HECA: variants seen among roughly 807,000 people sequenced by gnomAD.
The protein encoded by HECA is HECA ribonucleoprotein granule regulator, also known as headcase protein homolog.
In HECA, 13 loss-of-function variants were observed where a neutral mutation model predicts 37.6. The ratio of observed to expected loss-of-function variants is 0.35; its 90% CI spans 0.23 to 0.55. The LOEUF (loss-of-function observed/expected upper bound fraction) is 0.55. Among genes scored for constraint, HECA ranks in the 20% least tolerant of loss-of-function variants. The pLI, the probability that HECA is intolerant of heterozygous loss-of-function variation, is 0.90. For missense variants in HECA, 527 were observed against 701.9 expected, an observed-to-expected ratio of 0.75 and a Z score of 2.82; for synonymous variants, 307 against 291.5, an observed-to-expected ratio of 1.05 and a Z score of -0.54.
chr6:139,135,338 G>T lies in HECA; in HGVS notation c.-59G>T. 1 of 1,245,460 alleles carries T rather than the reference G, an allele frequency of 8.0e-7. No homozygotes were observed. The highest frequency in any genetic ancestry group is 1.0e-6 in the Non-Finnish European group (1 of 964,560). 77.2% of individuals were successfully genotyped at this position (1,245,460 alleles called of 1,614,324 possible). On this transcript the variant is annotated 5_prime_UTR_variant, in exon 1 of 4. Transcript: ENST00000367658. ...GCTTCACGCAGGGCCGGGAACGGCC[G>T]TGCCTCTGGGATCCGCCTTCGCTGA... is the stretch of plus-strand genomic sequence containing the variant.
Position 139,174,389 on chromosome 6 carries a change from A to G in HECA, c.1317A>G (p.Arg439=). The G allele has an allele frequency of 6.2e-7, 1 of 1,612,330 alleles. No individual in the cohort carries two copies. The highest frequency in any genetic ancestry group is 8.5e-7 in the Non-Finnish European group (1 of 1,179,222). Reference sequence around the variant, plus strand: ...CCTTGTGTCTTCTGTGCACAGGGAGACTCATGCATCTGTATGCCGTGTGCG... The same window carrying G: ...CCTTGTGTCTTCTGTGCACAGGGAGGCTCATGCATCTGTATGCCGTGTGCG... ...EYDVPCHLQG[R]LMHLYAVCVD... is the part of the protein sequence containing the mutation. Residue 439 remains arginine (R), a synonymous_variant, in exon 3 of 4, where the codon AGA becomes AGG. Coordinates refer to ENST00000367658, the MANE Select transcript of HECA (RefSeq NM_016217.3).
In HECA at chr6:139,135,193, C is replaced by T. The variant is rs964967231; in HGVS notation, c.-204C>T. 7.4e-6 allele frequency: 2 copies of T among 271,310 alleles called. No individual in the cohort carries two copies. The highest frequency in any genetic ancestry group is 1.2e-5 in the Non-Finnish European group (2 of 163,624). The allele number at this position is 271,310 out of a possible 1,614,324, so 16.8% of individuals were successfully genotyped here. A position where few individuals can be genotyped will look rare whatever the true frequency, so the allele number is the denominator to read the frequency against. ...CGCGGCTGCGAGCCTCGGGTGGCCGCGTGCCGGCTCCAGGAAGCCGGAGAG... is the reference window on the plus strand; with the variant it reads ...CGCGGCTGCGAGCCTCGGGTGGCCGTGTGCCGGCTCCAGGAAGCCGGAGAG... On this transcript the variant is annotated 5_prime_UTR_variant, in exon 1 of 4. Transcript: ENST00000367658.
intron 1 of HECA, chr6:139,150,997 A>G (rs1208618226): frequency 6.6e-6 from 1 of 152,100 alleles, no homozygotes; most frequent in Non-Finnish European, 1.5e-5. Context: ...CTACTTTTTC[A>G]TTTTTACTGA....
Position 139,135,346 on chromosome 6 carries a change from G to C in HECA, c.-51G>C. On this transcript the variant is annotated 5_prime_UTR_variant, in exon 1 of 4. Transcript: ENST00000367658. ...CAGGGCCGGGAACGGCCGTGCCTCT[G>C]GGATCCGCCTTCGCTGACGCCGGGC... 7.9e-7 allele frequency: 1 copy of C among 1,272,690 alleles called. No individual in the cohort carries two copies. Among genetic ancestry groups the C allele is most frequent in the Non-Finnish European group, 1.0e-6 (1 of 981,426 alleles). The allele number at this position is 1,272,690 out of a possible 1,614,324, so 78.8% of individuals were successfully genotyped here. A position where few individuals can be genotyped will look rare whatever the true frequency, so the allele number is the denominator to read the frequency against.
In HECA at chr6:139,166,669, G is replaced by A. The variant is rs370979954; in HGVS notation, c.657G>A (p.Ala219=). The change falls in exon 2 of 4, where the codon GCG becomes GCA. Residue 219 remains alanine, a synonymous_variant. Transcript: ENST00000367658. ...KNTGRPPGEA[A]EEAKKCRPPN... is the part of the protein sequence containing the mutation. ...CAGGGAGGCCTCCTGGTGAGGCGGC[G>A]GAGGAGGCAAAAAAGTGCAGGCCCC... 9.2e-5 allele frequency: 149 copies of A among 1,613,712 alleles called. 1 individual carries two copies. The South Asian group carries it at 1.5e-3, about 17-fold the overall frequency.
rs998516503 is a variant in HECA, at chr6:139,177,137, T to C, written c.*32T>C. Reference sequence around the variant, plus strand: ...CTTTGCTTTAGTAATAGCTATTTTATTGATATTATTACTTTATTACATATC... The same window carrying C: ...CTTTGCTTTAGTAATAGCTATTTTACTGATATTATTACTTTATTACATATC... On this transcript the variant is annotated 3_prime_UTR_variant, in exon 4 of 4. Transcript: ENST00000367658. The surrounding 1 kb of genome is among the most constrained non-coding windows in gnomAD (Gnocchi z 4.9). 2.5e-6 allele frequency: 2 copies of C among 808,310 alleles called. No homozygotes were observed. The highest frequency in any genetic ancestry group is 1.7e-5 in the African/African-American group (1 of 58,806). 50.1% of individuals were successfully genotyped at this position (808,310 alleles called of 1,614,324 possible).
At chr6:139,135,800 C>T (rs1774427370) in intron 1 of HECA, 133 bp downstream of exon 1, 1 of 272,410 alleles carries the variant, frequency 3.7e-6, no homozygotes, top group Non-Finnish European at 5.6e-6. Context: ...CCCTCCGCCC[C>T]GCCGCGGCTG....
chr6:139,138,926 A>G (rs1562241734), intron 1 of HECA, among the ~76,000 whole-genome samples: 1 of 152,226 alleles, frequency 6.6e-6, no homozygotes, highest in African/African-American at 2.4e-5. Flanking sequence ...ACCAATGGTT[A>G]TATTTAGAAT....
intron 1 of HECA, among the ~76,000 whole-genome samples, chr6:139,151,900 T>G (rs1774654422): frequency 6.6e-6 from 1 of 152,328 alleles, no homozygotes; most frequent in African/African-American, 2.4e-5. Context: ...TTGTCCTGTG[T>G]GCAGTATGGG....
intron 2 of HECA, among the ~76,000 whole-genome samples, chr6:139,172,020 G>C (rs1176101073): frequency 6.6e-6 from 1 of 152,028 alleles, no homozygotes; most frequent in African/African-American, 2.4e-5. Flanking sequence ...TAGTAGAGAT[G>C]GGGTTTCACC....
At chr6:139,152,459 AT>A (rs1455541890) in intron 1 of HECA, among the ~76,000 whole-genome samples, 3 of 106,014 alleles carry the variant, frequency 2.8e-5, no homozygotes, top group Non-Finnish European at 6.2e-5. Flanking sequence ...TTCCATGTTT[AT>A]TTTGACAGAG....
intron 1 of HECA, among the ~76,000 whole-genome samples, chr6:139,161,512 C>T (rs1774801986): frequency 6.6e-6 from 1 of 152,280 alleles, no homozygotes; most frequent in South Asian, 2.1e-4. Context: ...TCCATGTGTG[C>T]ACTTCTGTTA....
chr6:139,139,839 G>A (rs1774493228), intron 1 of HECA, among the ~76,000 whole-genome samples: 1 of 152,228 alleles, frequency 6.6e-6, no homozygotes, highest in African/African-American at 2.4e-5. Flanking sequence ...AGCTCTGAGT[G>A]AAAGGAGAGC....
intron 1 of HECA, among the ~76,000 whole-genome samples, chr6:139,160,527 C>T (rs928017120): frequency 6.6e-6 from 1 of 152,228 alleles, no homozygotes; most frequent in African/African-American, 2.4e-5. Context: ...GATCCTTCCA[C>T]CTCAGCCTCC....
At chr6:139,168,546 A>G (rs952284419) in intron 2 of HECA, among the ~76,000 whole-genome samples, 1 of 151,830 alleles carries the variant, frequency 6.6e-6, no homozygotes, top group Admixed American at 6.6e-5. Context: ...TTTGCCCCTG[A>G]AAATGCCCCT....
chr6:139,156,107 C>T (rs1774708612), intron 1 of HECA, among the ~76,000 whole-genome samples: 2 of 151,508 alleles, frequency 1.3e-5, no homozygotes, highest in Admixed American at 6.6e-5. Flanking sequence ...ATTATGTGAA[C>T]TCTTCTTGTT....
chr6:139,135,528 G>T lies in HECA; in HGVS notation c.132G>T (p.Leu44=). The T allele has an allele frequency of 1.0e-6, 1 of 987,748 alleles. No homozygotes were observed. The highest frequency in any genetic ancestry group is 1.2e-6 in the Non-Finnish European group (1 of 832,868). The allele number at this position is 987,748 out of a possible 1,614,324, so 61.2% of individuals were successfully genotyped here. A position where few individuals can be genotyped will look rare whatever the true frequency, so the allele number is the denominator to read the frequency against. ...GAAGAAAGGA[L]AAAAGCGAAA... ...CGGGAGCGGCGGCCGGGGGGGCCCT[G>T]GCGGCGGCGGCCGGTTGCGGGGCGG... Residue 44 remains leucine (L), a synonymous_variant, in exon 1 of 4, where the codon CTG becomes CTT. Coordinates refer to ENST00000367658, the MANE Select transcript of HECA (RefSeq NM_016217.3).
chr6:139,152,418 A>ATGTGTGTGTG (rs56410451), intron 1 of HECA, among the ~76,000 whole-genome samples: 7,589 of 147,472 alleles, frequency 0.051, 293 homozygotes, highest in African/African-American at 0.11. Flanking sequence ...GAAGCATTGG[A>ATGTGTGTGTG]TGTGTGTGTG....
chr6:139,138,246 C>T (rs1774474638), intron 1 of HECA, among the ~76,000 whole-genome samples: 3 of 152,010 alleles, frequency 2.0e-5, no homozygotes, highest in African/African-American at 7.3e-5. Flanking sequence ...TGCGTAAATT[C>T]TCAAAATCAA....
Sources: allele counts gnomAD v4.1 joint callset (sites outside exome capture counted in the v4.1 genomes callset), GRCh38; gene constraint gnomAD v4.1.1; non-coding constraint Gnocchi (gnomAD v3.1); transcripts MANE v1.5; gene names NCBI Gene and HGNC (gene_info 2026-07-23, HGNC 2026-07-21).